Variants in LARS2 observed in about 807,000 individuals in gnomAD.
LARS2 encodes leucine--tRNA ligase, mitochondrial.
Under a neutral mutation model 116.6 loss-of-function variants are expected in LARS2, and 81 were observed. That is an observed-to-expected ratio of 0.69 (90% CI 0.58 to 0.84). LARS2 has a LOEUF of 0.84. Ranked by LOEUF, LARS2 falls within the 40% of genes least tolerant of loss-of-function variation. LARS2 has a pLI of 0.00. For missense variants in LARS2, 968 were observed against 1,114.5 expected (o/e 0.87, Z 1.87); for synonymous variants, 396 against 407.2 (o/e 0.97, Z 0.33).
chr3:45,398,863 C>G (rs1032009662), intron 3 of LARS2, among the ~76,000 whole-genome samples: 1 of 152,040 alleles, frequency 6.6e-6, no homozygotes, highest in African/African-American at 2.4e-5. Context: ...ACAGTAGGTC[C>G]CCCCATGAAC....
At chr3:45,522,936 A>G (rs1422196986) in intron 19 of LARS2, among the ~76,000 whole-genome samples, 4 of 152,198 alleles carry the variant, frequency 2.6e-5, no homozygotes, top group Non-Finnish European at 5.9e-5. Flanking sequence ...GGAAGTGTTC[A>G]TATGGCAAGA....
intron 11 of LARS2, among the ~76,000 whole-genome samples, chr3:45,486,323 G>A (rs1006044155): frequency 6.6e-6 from 1 of 152,174 alleles, no homozygotes; most frequent in Non-Finnish European, 1.5e-5. Flanking sequence ...TAAAATTGAA[G>A]GCATATTTAG....
At chr3:45,427,764 C>T (rs1390645434) in intron 6 of LARS2, among the ~76,000 whole-genome samples, 1 of 152,054 alleles carries the variant, frequency 6.6e-6, no homozygotes, top group Non-Finnish European at 1.5e-5. Flanking sequence ...TGTCTCTCCT[C>T]TCTATAGGTA....
intron 18 of LARS2, 27 bp from the exon 19 acceptor site, chr3:45,520,192 A>T: frequency 6.6e-7 from 1 of 1,521,216 alleles, no homozygotes; most frequent in Non-Finnish European, 9.1e-7. Flanking sequence ...TTTTGAAATA[A>T]GTAAATAATT....
chr3:45,520,124 TC>T, intron 18 of LARS2, 94 bp from the exon 19 acceptor site: 1 of 807,294 alleles, frequency 1.2e-6, no homozygotes, highest in Non-Finnish European at 2.2e-6. Flanking sequence ...TGCATCCCAT[TC>T]ATTTTCCTTT....
At chr3:45,431,694 C>T (rs1030345036) in intron 6 of LARS2, among the ~76,000 whole-genome samples, 5 of 142,996 alleles carry the variant, frequency 3.5e-5, no homozygotes, top group African/African-American at 1.3e-4. Context: ...AAGGGAATCA[C>T]ATTTTACTAC....
At position 45,547,498 on chromosome 3, in the gene LARS2, A is replaced by G. The variant is rs1208721953; in HGVS notation, c.2680A>G (p.Thr894Ala). The change falls in exon 22 of 22, where the codon ACT becomes GCT. Residue 894 changes from threonine to alanine, a missense_variant. Thr to Ala is a moderately conservative substitution (Grantham distance 58). Coordinates refer to ENST00000645846, the MANE Select transcript of LARS2 (RefSeq NM_015340.4). ...CAAGAAGTCCTTCCTTTCCCCGAGAACTGCCCTCATCAACTTCCTGGTGCA... is the reference window on the plus strand; with the variant it reads ...CAAGAAGTCCTTCCTTTCCCCGAGAGCTGCCCTCATCAACTTCCTGGTGCA... ...SIKKSFLSPR[T>A]ALINFLVQD is the part of the protein sequence containing the mutation. The G allele has an allele frequency of 1.9e-6, 3 of 1,610,418 alleles. No individual in the cohort carries two copies. The African/African-American group carries it at 4.0e-5, about 22-fold the overall frequency.
chr3:45,434,342 G>T (rs1698766853), intron 6 of LARS2, among the ~76,000 whole-genome samples: 1 of 152,092 alleles, frequency 6.6e-6, no homozygotes, highest in Non-Finnish European at 1.5e-5. Context: ...CAAGTTCACT[G>T]ATTCCTTTGT....
At chr3:45,544,740 C>T (rs1700851179) in intron 21 of LARS2, among the ~76,000 whole-genome samples, 1 of 152,194 alleles carries the variant, frequency 6.6e-6, no homozygotes, top group Admixed American at 6.5e-5. Flanking sequence ...CTAGCATCAG[C>T]GTTGCCACTT....
At chr3:45,536,506 T>G (rs1700707221) in intron 20 of LARS2, among the ~76,000 whole-genome samples, 1 of 152,230 alleles carries the variant, frequency 6.6e-6, no homozygotes, top group African/African-American at 2.4e-5. Context: ...CTGCTGTGTG[T>G]GGCAGAGTAC....
At chr3:45,393,624 AC>A (rs1319593967) in intron 2 of LARS2, among the ~76,000 whole-genome samples, 1 of 152,030 alleles carries the variant, frequency 6.6e-6, no homozygotes, top group African/African-American at 2.4e-5. Context: ...GTTTGTGTTT[AC>A]TGCTATATTC....
intron 8 of LARS2, among the ~76,000 whole-genome samples, chr3:45,463,443 C>G (rs1419276026): frequency 1.3e-5 from 2 of 152,192 alleles, no homozygotes; most frequent in African/African-American, 4.8e-5. Flanking sequence ...CTGTGTTTGC[C>G]TCTCATTTCC....
rs138085549 is a variant in LARS2, at chr3:45,403,779, A to G, written c.363+3406A>G. On this transcript the variant is annotated intron_variant, in intron 4 of 21. Coordinates refer to ENST00000645846, the MANE Select transcript of LARS2 (RefSeq NM_015340.4). The stretch of plus-strand genomic sequence containing the variant: ...GGCCCAAAAGACAAGGAGTCCTCCT[A>G]CCATATCTGAAGCCTAAGGTCAGGC... Among the ~76,000 whole-genome samples, 911 of 152,198 alleles carry G rather than the reference A, an allele frequency of 6.0e-3. 10 individuals carry two copies. The highest frequency in any genetic ancestry group is 0.021 in the African/African-American group (878 of 41,548).
At chr3:45,406,358 T>A (rs1187279780) in intron 4 of LARS2, among the ~76,000 whole-genome samples, 2 of 152,198 alleles carry the variant, frequency 1.3e-5, no homozygotes, top group Non-Finnish European at 2.9e-5. Flanking sequence ...GGTATTTAAA[T>A]AAGCATTTCA....
chr3:45,519,657 C>CT (rs113936742), intron 18 of LARS2: 39,423 of 144,688 alleles, frequency 0.27, 5,542 homozygotes, highest in Middle Eastern at 0.41. Context: ...ACTAGCATTG[C>CT]TTTTTTTTTT....
intron 6 of LARS2, among the ~76,000 whole-genome samples, chr3:45,441,026 T>C (rs1279516990): frequency 7.4e-5 from 1 of 13,486 alleles, no homozygotes. Flanking sequence ...ACACACTCTT[T>C]TTTTTTTTTT....
intron 6 of LARS2, chr3:45,421,341 G>C (rs1698509922): frequency 6.6e-6 from 1 of 152,068 alleles, no homozygotes; most frequent in Non-Finnish European, 1.5e-5. Flanking sequence ...TAATATCCCA[G>C]ACCTAGTTAG....
intron 7 of LARS2, among the ~76,000 whole-genome samples, chr3:45,450,218 C>T (rs182293049): frequency 6.6e-6 from 1 of 152,152 alleles, no homozygotes; most frequent in African/African-American, 2.4e-5. Flanking sequence ...TCCATCACCT[C>T]AAACATTTAT....
chr3:45,400,595 G>A (rs1698130126), intron 4 of LARS2, among the ~76,000 whole-genome samples: 1 of 152,184 alleles, frequency 6.6e-6, no homozygotes. Context: ...GTGTTGTGCT[G>A]GGGTGGAGAT....
Sources: gnomAD v4.1 joint callset for allele counts (sites outside exome capture counted in the v4.1 genomes callset) on GRCh38, gnomAD v4.1.1 for gene constraint, MANE v1.5 for transcripts, NCBI Gene and HGNC (gene_info 2026-07-23, HGNC 2026-07-21) for gene names.